CEP55: variants seen among roughly 807,000 people sequenced by gnomAD.
CEP55 encodes the protein centrosomal protein 55.
CEP55 carries 57 observed loss-of-function variants against 63.2 expected under a neutral mutation model. The observed-to-expected ratio is 0.90, with a 90% CI of 0.73 to 1.13. The LOEUF (loss-of-function observed/expected upper bound fraction) is 1.13, where lower values mean the gene tolerates loss of function less well. Among genes scored for constraint, CEP55 ranks in the 50% most tolerant of loss-of-function variants. The pLI is 0.00. For synonymous variants in CEP55, 178 were observed against 191.6 expected (o/e 0.93, Z 0.59); for missense variants, 456 against 518.9 (o/e 0.88, Z 1.18).
rs1488982718 is a variant in CEP55, at chr10:93,519,766, C to T, written c.1150C>T (p.Leu384Phe). Reference protein sequence around the residue: ...QHQLHVILKELRKARNQITQL... With the variant: ...QHQLHVILKEFRKARNQITQL... ...TCAATTGCATGTAATTCTTAAGGAG[C>T]TCCGAAAAGCAAGAAATCAAATAAC... The change falls in exon 8 of 9, where the codon CTC becomes TTC. Residue 384 changes from leucine to phenylalanine, a missense_variant. Coordinates refer to ENST00000371485, the MANE Select transcript of CEP55 (RefSeq NM_018131.5). The T allele has an allele frequency of 6.2e-7, 1 of 1,613,944 alleles. No individual in the cohort carries two copies.
chr10:93,497,722 TG>T (rs1329964018), intron 1 of CEP55, among the ~76,000 whole-genome samples: 2 of 31,564 alleles, frequency 6.3e-5, no homozygotes, highest in Non-Finnish European at 1.3e-4. Flanking sequence ...TGTGTAGGGG[TG>T]GGGGTGGGGC....
chr10:93,523,371 T>C (rs1195282394), intron 8 of CEP55, among the ~76,000 whole-genome samples: 1 of 152,118 alleles, frequency 6.6e-6, no homozygotes, highest in Non-Finnish European at 1.5e-5. Flanking sequence ...AAGGGATCAA[T>C]TCAACAACAA....
At chr10:93,497,838 G>A (rs1206014237) in intron 1 of CEP55, among the ~76,000 whole-genome samples, 1 of 151,916 alleles carries the variant, frequency 6.6e-6, no homozygotes, top group Admixed American at 6.6e-5. Flanking sequence ...GGGAAAGGTG[G>A]CCGGGCGCGG....
intron 4 of CEP55, among the ~76,000 whole-genome samples, 180 bp downstream of exon 4, chr10:93,507,236 T>TC (rs1393853547): frequency 5.4e-4 from 82 of 151,604 alleles, no homozygotes; most frequent in African/African-American, 1.9e-3. Context: ...TTTTTTTTTT[T>TC]TTTTTCCTGA....
chr10:93,527,843 T>C (rs1355125884), intron 8 of CEP55, 107 bp from the exon 9 acceptor site: 3 of 924,160 alleles, frequency 3.2e-6, no homozygotes, highest in East Asian at 2.6e-5. Context: ...TTTGTGCCAC[T>C]ACACTCTGGC....
chr10:93,505,889 G>A lies in CEP55; in HGVS notation c.460-1099G>A, dbSNP rs1434720873. ...GATAGAATCTTGCTCTGTTGCCCAG[G>A]CTGGAGTAATTTTTGTATTATTAGT... On this transcript the variant is annotated intron_variant, in intron 3 of 8. Transcript: ENST00000371485. 3.9e-5 allele frequency among the ~76,000 whole-genome samples: 6 copies of A among 152,034 alleles called. No homozygotes were observed. In the East Asian group the frequency reaches 5.8e-4, roughly 15 times the overall value.
chr10:93,522,759 C>T (rs2057877488), intron 8 of CEP55, among the ~76,000 whole-genome samples: 1 of 152,158 alleles, frequency 6.6e-6, no homozygotes, highest in African/African-American at 2.4e-5. Flanking sequence ...CTGTACAAGC[C>T]AGAAGAGAGT....
intron 8 of CEP55, among the ~76,000 whole-genome samples, chr10:93,521,303 A>G (rs2057859553): frequency 6.6e-6 from 1 of 152,184 alleles, no homozygotes. Flanking sequence ...ATTATATCCC[A>G]CGCCTGGCTT....
intron 4 of CEP55, among the ~76,000 whole-genome samples, chr10:93,514,955 T>G (rs1458127020): frequency 6.6e-6 from 1 of 152,130 alleles, no homozygotes; most frequent in African/African-American, 2.4e-5. Context: ...GTATTTTTAT[T>G]AGAGACAGGG....
chr10:93,500,333 C>A, intron 2 of CEP55, 99 bp downstream of exon 2: 1 of 1,013,900 alleles, frequency 9.9e-7, no homozygotes, highest in Non-Finnish European at 1.5e-6. Flanking sequence ...TGTTCCCTGT[C>A]TTGTCCAGTT....
In CEP55 at chr10:93,521,835, G is replaced by C. The variant is rs149661067; in HGVS notation, c.1191+2028G>C. Among the ~76,000 whole-genome samples, 9 of 152,224 alleles carry C rather than the reference G, an allele frequency of 5.9e-5. No homozygotes were observed. In the East Asian group the frequency reaches 1.4e-3, roughly 23 times the overall value. ...CCGCTGCTGATACCCAGGCAAACAGGGTCTGGAGTGGACCTCTGGCAAACT... is the reference window on the plus strand; with the variant it reads ...CCGCTGCTGATACCCAGGCAAACAGCGTCTGGAGTGGACCTCTGGCAAACT... On this transcript the variant is annotated intron_variant, in intron 8 of 8. Coordinates refer to ENST00000371485, the MANE Select transcript of CEP55 (RefSeq NM_018131.5).
At chr10:93,508,946 T>C (rs1444150150) in intron 4 of CEP55, among the ~76,000 whole-genome samples, 1 of 152,206 alleles carries the variant, frequency 6.6e-6, no homozygotes, top group East Asian at 1.9e-4. Context: ...AGAAGTCATA[T>C]GAAGGAAGGA....
chr10:93,522,627 C>T (rs1354139558), intron 8 of CEP55, among the ~76,000 whole-genome samples: 1 of 152,052 alleles, frequency 6.6e-6, no homozygotes, highest in African/African-American at 2.4e-5. Context: ...CTCCAAGACA[C>T]ATAATTGTCA....
intron 8 of CEP55, among the ~76,000 whole-genome samples, chr10:93,521,130 A>C (rs2134494380): frequency 6.6e-6 from 1 of 152,156 alleles, no homozygotes; most frequent in East Asian, 1.9e-4. Context: ...CCGAGCGTGA[A>C]CCGAAGCAGG....
chr10:93,496,734 G>A lies in CEP55; in HGVS notation c.-202G>A, dbSNP rs1020121029. ...GCGGAGGGTGGCGAGGGGCGGCCAGGACCCGCAGCCCCGGGGCCGGGCCGG... is the reference window on the plus strand; with the variant it reads ...GCGGAGGGTGGCGAGGGGCGGCCAGAACCCGCAGCCCCGGGGCCGGGCCGG... On this transcript the variant is annotated 5_prime_UTR_variant, in exon 1 of 9. Coordinates refer to ENST00000371485, the MANE Select transcript of CEP55 (RefSeq NM_018131.5). The A allele has an allele frequency of 1.3e-5, 2 of 152,332 alleles. No individual in the cohort carries two copies. Among genetic ancestry groups the A allele is most frequent in the African/African-American group, 2.4e-5 (1 of 41,474 alleles). The allele number at this position is 152,332 out of a possible 1,614,324, so 9.4% of individuals were successfully genotyped here.
At chr10:93,523,513 A>T (rs2134499449) in intron 8 of CEP55, among the ~76,000 whole-genome samples, 1 of 152,324 alleles carries the variant, frequency 6.6e-6, no homozygotes, top group Middle Eastern at 3.4e-3. Flanking sequence ...CCCCACTGTC[A>T]ACATGAGACA....
intron 3 of CEP55, among the ~76,000 whole-genome samples, chr10:93,504,731 T>C (rs1195912147): frequency 6.6e-6 from 1 of 152,224 alleles, no homozygotes; most frequent in Non-Finnish European, 1.5e-5. Flanking sequence ...GACTAAAATT[T>C]TTCTTTGAAG....
chr10:93,518,350 A>G (rs1029534529), intron 6 of CEP55, among the ~76,000 whole-genome samples: 2 of 151,998 alleles, frequency 1.3e-5, no homozygotes, highest in Non-Finnish European at 2.9e-5. Context: ...GGGTTTCACC[A>G]TGTTGGCCAG....
intron 8 of CEP55, among the ~76,000 whole-genome samples, chr10:93,522,357 T>A (rs1396544175): frequency 6.6e-6 from 1 of 152,068 alleles, no homozygotes; most frequent in East Asian, 1.9e-4. Flanking sequence ...ATCAAATGAA[T>A]GAAATGAAGT....
Sources: allele counts gnomAD v4.1 joint callset (sites outside exome capture counted in the v4.1 genomes callset), GRCh38; gene constraint gnomAD v4.1.1; transcripts MANE v1.5; gene names NCBI Gene and HGNC (gene_info 2026-07-23, HGNC 2026-07-21).